AGMO: variants seen among roughly 807,000 people sequenced by gnomAD.
AGMO encodes glyceryl-ether monooxygenase.
A neutral mutation model predicts 60.2 loss-of-function variants in AGMO; 75 were observed. The ratio of observed to expected loss-of-function variants is 1.25; its 90% CI spans 1.03 to 1.51. AGMO has a LOEUF of 1.51. Ranked by LOEUF, AGMO falls within the 40% of genes most tolerant of loss-of-function variation. AGMO has a pLI of 0.00. For synonymous variants in AGMO, 261 were observed against 177.1 expected (o/e 1.47, Z -3.76); for missense variants, 763 against 525.5 (o/e 1.45, Z -4.42).
chr7:15,481,285 C>A (rs895159933), intron 3 of AGMO, among the ~76,000 whole-genome samples: 36 of 152,134 alleles, frequency 2.4e-4, no homozygotes, highest in African/African-American at 8.7e-4. Context: ...AAAACTGCAA[C>A]GGAATCTTTG....
chr7:15,383,030 T>C (rs749779083), intron 10 of AGMO, among the ~76,000 whole-genome samples: 7 of 152,080 alleles, frequency 4.6e-5, no homozygotes, highest in Admixed American at 6.6e-5. Flanking sequence ...TTGTTCTTCA[T>C]AGACCATGAG....
chr7:15,345,222 G>C (rs1238368088), intron 12 of AGMO, among the ~76,000 whole-genome samples: 1 of 152,086 alleles, frequency 6.6e-6, no homozygotes, highest in Non-Finnish European at 1.5e-5. Context: ...ATCAGTTTCT[G>C]ATATTATTCT....
intron 3 of AGMO, among the ~76,000 whole-genome samples, chr7:15,501,154 T>C (rs935232762): frequency 1.3e-5 from 2 of 152,120 alleles, no homozygotes; most frequent in East Asian, 3.9e-4. Flanking sequence ...AGAATGTCTA[T>C]CCTGTGGTGT....
intron 3 of AGMO, among the ~76,000 whole-genome samples, chr7:15,512,407 C>A (rs1238310949): frequency 2.0e-5 from 3 of 152,144 alleles, no homozygotes; most frequent in Admixed American, 6.5e-5. Flanking sequence ...CGAATACCAC[C>A]ATGCCTGGCT....
intron 3 of AGMO, among the ~76,000 whole-genome samples, chr7:15,495,289 G>C (rs886519631): frequency 6.6e-6 from 1 of 152,116 alleles, no homozygotes; most frequent in Non-Finnish European, 1.5e-5. Context: ...AACTTACTTA[G>C]GCTTGGCAAT....
At position 15,322,587 on chromosome 7, in the gene AGMO, TATATAA is replaced by T. The variant is rs1457272552; in HGVS notation, c.1263+42921_1263+42926del. On this transcript the variant is annotated intron_variant, in intron 12 of 12. Transcript: ENST00000342526. Reference sequence around the variant, plus strand: ...ATAAATATATATAAATATATATAAATATATAAATATATATAAATATATATAAATATA... The same window carrying T: ...ATAAATATATATAAATATATATAAATATATATATAAATATATATAAATATA... Among the ~76,000 whole-genome samples, 292 of 36,968 alleles carry T rather than the reference TATATAA, an allele frequency of 7.9e-3. 34 individuals carry two copies. Among genetic ancestry groups the T allele is most frequent in the African/African-American group, 0.021 (159 of 7,414 alleles). 24.3% of individuals were successfully genotyped at this position (36,968 alleles called of 152,430 possible).
intron 3 of AGMO, among the ~76,000 whole-genome samples, chr7:15,433,713 T>C (rs1781320892): frequency 6.6e-6 from 1 of 151,848 alleles, no homozygotes; most frequent in Admixed American, 6.6e-5. Flanking sequence ...CTTCATATAA[T>C]TATACATTCT....
chr7:15,118,173 A>AACACACACACACACACAC, the AGMO span, among the ~76,000 whole-genome samples: 1 of 144,590 alleles, frequency 6.9e-6, no homozygotes, highest in African/African-American at 2.6e-5. Flanking sequence ...ACTAAAGAGA[A>AACACACACACACACACAC]ACACACACAC....
intron 3 of AGMO, among the ~76,000 whole-genome samples, chr7:15,436,002 C>T (rs751823697): frequency 2.0e-5 from 3 of 152,130 alleles, no homozygotes; most frequent in Non-Finnish European, 4.4e-5. Context: ...CAATAGTGGG[C>T]AGGCCAAGAA....
the AGMO span, among the ~76,000 whole-genome samples, chr7:15,166,434 G>T: frequency 6.6e-6 from 1 of 152,174 alleles, no homozygotes; most frequent in African/African-American, 2.4e-5. Context: ...GAGTAGTAAA[G>T]GAGGAGTCAG....
intron 12 of AGMO, among the ~76,000 whole-genome samples, chr7:15,275,957 C>G (rs1240507750): frequency 6.6e-6 from 1 of 151,670 alleles, no homozygotes; most frequent in African/African-American, 2.4e-5. Context: ...TTGCAGCAAA[C>G]GGTTGGGTCT....
At chr7:15,424,736 G>A (rs1232790842) in intron 4 of AGMO, among the ~76,000 whole-genome samples, 1 of 152,144 alleles carries the variant, frequency 6.6e-6, no homozygotes, top group Non-Finnish European at 1.5e-5. Flanking sequence ...AAGAAGGAAT[G>A]CCTTGGAGTT....
At chr7:15,466,936 T>A (rs968801184) in intron 3 of AGMO, among the ~76,000 whole-genome samples, 6 of 152,058 alleles carry the variant, frequency 3.9e-5, no homozygotes, top group Non-Finnish European at 8.8e-5. Context: ...GGAAAATGAT[T>A]AGTAATGGAC....
intron 10 of AGMO, among the ~76,000 whole-genome samples, chr7:15,382,543 G>A (rs889495337): frequency 3.9e-5 from 6 of 152,144 alleles, no homozygotes; most frequent in Non-Finnish European, 8.8e-5. Context: ...TAAATAAAAT[G>A]AAATAAAATT....
intron 8 of AGMO, 72 bp from the exon 9 acceptor site, chr7:15,387,612 T>C (rs1783970412): frequency 1.5e-6 from 2 of 1,345,184 alleles, no homozygotes; most frequent in Non-Finnish European, 2.0e-6. Context: ...AAGTTATGTA[T>C]ATTATTTTAT....
intron 3 of AGMO, among the ~76,000 whole-genome samples, chr7:15,513,725 C>T (rs1177913203): frequency 2.6e-5 from 4 of 152,140 alleles, no homozygotes; most frequent in Non-Finnish European, 5.9e-5. Flanking sequence ...CTGAAGCTAG[C>T]AAGACAGTTT....
At chr7:15,557,598 T>C (rs927459590) in intron 2 of AGMO, among the ~76,000 whole-genome samples, 1 of 150,990 alleles carries the variant, frequency 6.6e-6, no homozygotes, top group Non-Finnish European at 1.5e-5. Context: ...GGTTTGGGAT[T>C]TTTTTTTAAT....
At chr7:15,551,717 C>G (rs1784965930) in intron 2 of AGMO, among the ~76,000 whole-genome samples, 1 of 151,064 alleles carries the variant, frequency 6.6e-6, no homozygotes, top group African/African-American at 2.4e-5. Context: ...TAGGAAGAAT[C>G]AATATCGTGA....
intron 2 of AGMO, among the ~76,000 whole-genome samples, chr7:15,554,379 A>T (rs1376001826): frequency 6.6e-6 from 1 of 152,076 alleles, no homozygotes; most frequent in Non-Finnish European, 1.5e-5. Flanking sequence ...GAATTCCCAA[A>T]TACTAGATCC....
Sources: allele counts gnomAD v4.1 joint callset (sites outside exome capture counted in the v4.1 genomes callset), GRCh38; gene constraint gnomAD v4.1.1; transcripts MANE v1.5; gene names NCBI Gene and HGNC (gene_info 2026-07-23, HGNC 2026-07-21).